ATXN1: variants seen among roughly 807,000 people sequenced by gnomAD.
ATXN1 encodes the protein ataxin 1.
In ATXN1, 8 loss-of-function variants were observed where a neutral mutation model predicts 56.4. The ratio of observed to expected loss-of-function variants is 0.14; its 90% CI spans 0.08 to 0.26. The LOEUF (loss-of-function observed/expected upper bound fraction) is 0.26, where lower values mean the gene tolerates loss of function less well. ATXN1 is among the 10% of genes least tolerant of loss of function. ATXN1 has a pLI of 1.00. For synonymous variants in ATXN1, 514 were observed against 494.6 expected (o/e 1.04, Z -0.52); for missense variants, 987 against 1,106.5 (o/e 0.89, Z 1.53).
chr6:16,477,385 A>T (rs1340107463), intron 6 of ATXN1, among the ~76,000 whole-genome samples: 3 of 152,234 alleles, frequency 2.0e-5, no homozygotes, highest in Non-Finnish European at 4.4e-5. Context: ...CAAATCGGAA[A>T]ATGGCAGAAA....
intron 3 of ATXN1, among the ~76,000 whole-genome samples, chr6:16,609,502 A>G (rs115208003): frequency 1.3e-5 from 2 of 152,354 alleles, no homozygotes; most frequent in African/African-American, 4.8e-5. Flanking sequence ...AAGAACCCCA[A>G]TAGAGATTGC....
At chr6:16,692,491 A>C (rs969976665) in intron 2 of ATXN1, among the ~76,000 whole-genome samples, 1 of 152,236 alleles carries the variant, frequency 6.6e-6, no homozygotes, top group African/African-American at 2.4e-5. Flanking sequence ...TGTAATCAAA[A>C]GATTTGTCTA....
At chr6:16,689,510 C>CTTTTTTTTTTTTT (rs371753662) in intron 2 of ATXN1, among the ~76,000 whole-genome samples, 7 of 126,924 alleles carry the variant, frequency 5.5e-5, no homozygotes, top group African/African-American at 1.4e-4. Flanking sequence ...CTTTTTTTTT[C>CTTTTTTTTTTTTT]TTTTTTTTTT....
chr6:16,610,370 T>C (rs1763082417), intron 3 of ATXN1, among the ~76,000 whole-genome samples: 1 of 151,914 alleles, frequency 6.6e-6, no homozygotes, highest in Non-Finnish European at 1.5e-5. Context: ...TTCCATCTAT[T>C]TATTTACCTT....
At position 16,731,454 on chromosome 6, in the gene ATXN1, CTTTTTTTTTTTTTT is replaced by C. The variant is rs71559655; in HGVS notation, c.-615+21765_-615+21778del. 7.3e-5 allele frequency among the ~76,000 whole-genome samples: 6 copies of C among 81,794 alleles called. No homozygotes were observed. The East Asian group carries it at 1.9e-3, about 25-fold the overall frequency. The allele number at this position is 81,794 out of a possible 152,430, so 53.7% of individuals were successfully genotyped here. ...ACGAGAGAGGCTTTTTTTTTCTTTT[CTTTTTTTTTTTTTT>C]TTTTTTTTTTTTTTTAATAAAAACG... is the stretch of plus-strand genomic sequence containing the variant. On this transcript the variant is annotated intron_variant, in intron 2 of 7. Coordinates refer to ENST00000436367, the MANE Select transcript of ATXN1 (RefSeq NM_001128164.2).
At chr6:16,521,593 A>G (rs946389030) in intron 5 of ATXN1, among the ~76,000 whole-genome samples, 1 of 152,176 alleles carries the variant, frequency 6.6e-6, no homozygotes, top group Non-Finnish European at 1.5e-5. Context: ...AAAAGAATAA[A>G]TGTTTCTCAA....
chr6:16,493,305 G>A (rs561716438), intron 5 of ATXN1, among the ~76,000 whole-genome samples: 1 of 152,230 alleles, frequency 6.6e-6, no homozygotes, highest in Admixed American at 6.5e-5. Flanking sequence ...AGCAGCCACA[G>A]TGAGCTTCTC....
chr6:16,550,155 C>CAAAAAAAAAAAAAAAAAAAAAATAA (rs70999336), intron 4 of ATXN1, among the ~76,000 whole-genome samples: 1 of 91,192 alleles, frequency 1.1e-5, no homozygotes, highest in Non-Finnish European at 2.3e-5. Flanking sequence ...AAATAAAATA[C>CAAAAAAAAAAAAAAAAAAAAAATAA]AAAAAAAAAA....
chr6:16,512,703 G>T (rs896498913), intron 5 of ATXN1, among the ~76,000 whole-genome samples: 4 of 152,174 alleles, frequency 2.6e-5, no homozygotes, highest in African/African-American at 4.8e-5. Flanking sequence ...CAGATTTTCA[G>T]ACACCAACAG....
At chr6:16,427,691 C>T (rs1206910222) in intron 6 of ATXN1, among the ~76,000 whole-genome samples, 1 of 152,150 alleles carries the variant, frequency 6.6e-6, no homozygotes, top group Non-Finnish European at 1.5e-5. Flanking sequence ...GCTCTAGAAG[C>T]CAGGATGGAA....
At chr6:16,436,070 G>A (rs578019482) in intron 6 of ATXN1, among the ~76,000 whole-genome samples, 371 of 152,004 alleles carry the variant, frequency 2.4e-3, no homozygotes, top group African/African-American at 8.3e-3. Flanking sequence ...GCTAATTTTT[G>A]TATTTTTAGT....
chr6:16,658,812 G>A (rs535445931), intron 2 of ATXN1, among the ~76,000 whole-genome samples: 25 of 152,156 alleles, frequency 1.6e-4, no homozygotes, highest in Admixed American at 1.5e-3. Flanking sequence ...AAAACCCATC[G>A]GCTGACTGTC....
chr6:16,407,922 G>C (rs1196209291), intron 6 of ATXN1, among the ~76,000 whole-genome samples: 1 of 152,240 alleles, frequency 6.6e-6, no homozygotes, highest in Admixed American at 6.5e-5. Context: ...TGTGGTATCT[G>C]AAGTCCAGTA....
chr6:16,454,124 T>TAAAA (rs1561902067), intron 6 of ATXN1, among the ~76,000 whole-genome samples: 1 of 34,586 alleles, frequency 2.9e-5, no homozygotes, highest in African/African-American at 2.5e-4. Context: ...AGACTCTGTC[T>TAAAA]CAAAAAAAAA....
intron 3 of ATXN1, among the ~76,000 whole-genome samples, chr6:16,626,633 A>C (rs1467714211): frequency 6.6e-6 from 1 of 152,190 alleles, no homozygotes; most frequent in Non-Finnish European, 1.5e-5. Context: ...AATCAAGTTA[A>C]CTTATGGATA....
intron 4 of ATXN1, among the ~76,000 whole-genome samples, chr6:16,550,565 T>C (rs1481825221): frequency 6.6e-6 from 1 of 152,250 alleles, no homozygotes; most frequent in Non-Finnish European, 1.5e-5. Flanking sequence ...TGCATAATAG[T>C]TGCAGAATAT....
At chr6:16,347,154 C>G (rs940618558) in intron 6 of ATXN1, among the ~76,000 whole-genome samples, 2 of 152,228 alleles carry the variant, frequency 1.3e-5, no homozygotes, top group Non-Finnish European at 2.9e-5. Flanking sequence ...CAGCCAGAGC[C>G]TCCCCGACGA....
At chr6:16,612,049 C>T (rs1338673556) in intron 3 of ATXN1, among the ~76,000 whole-genome samples, 3 of 151,516 alleles carry the variant, frequency 2.0e-5, no homozygotes, top group Non-Finnish European at 4.4e-5. Flanking sequence ...TTAGTAGAGA[C>T]GGGGTTTCAC....
chr6:16,738,838 A>G (rs889373413), intron 2 of ATXN1: 6 of 152,374 alleles, frequency 3.9e-5, no homozygotes, highest in African/African-American at 1.4e-4. Context: ...AAGCAAAAAT[A>G]TGGTTGTCAG....
Sources: allele counts gnomAD v4.1 joint callset (sites outside exome capture counted in the v4.1 genomes callset), GRCh38; gene constraint gnomAD v4.1.1; transcripts MANE v1.5; gene names NCBI Gene and HGNC (gene_info 2026-07-23, HGNC 2026-07-21).